Variants in ABCA7 observed in about 807,000 individuals in gnomAD.
ABCA7 encodes ATP binding cassette subfamily A member 7.
Under a neutral mutation model 227.6 loss-of-function variants are expected in ABCA7, and 261 were observed. That is an observed-to-expected ratio of 1.15 (90% CI 1.04 to 1.27). The LOEUF (loss-of-function observed/expected upper bound fraction) is 1.27, where lower values mean the gene tolerates loss of function less well. Among genes scored for constraint, ABCA7 ranks in the 50% most tolerant of loss-of-function variants. The pLI is 0.00. For synonymous variants in ABCA7, 1,488 were observed against 1,279.7 expected, an observed-to-expected ratio of 1.16 and a Z score of -3.47; for missense variants, 3,331 against 2,924.5, an observed-to-expected ratio of 1.14 and a Z score of -3.21.
At chr19:1,049,058 C>G (rs1165117035) in intron 17 of ABCA7, 53 bp downstream of exon 17, 2 of 1,053,352 alleles carry the variant, frequency 1.9e-6, no homozygotes, top group East Asian at 2.6e-5. Context: ...CCAGTTCCCC[C>G]CCAAAACGAG....
intron 1 of ABCA7, 85 bp from the exon 2 acceptor site, chr19:1,041,140 G>A: frequency 1.7e-6 from 1 of 599,478 alleles, no homozygotes; most frequent in Non-Finnish European, 3.0e-6. Context: ...GGACGGCTGC[G>A]GGTTGCGCTC....
At position 1,064,937 on chromosome 19, in the gene ABCA7, G is replaced by C; in HGVS notation, c.6051G>C (p.Ala2017=). Residue 2017 remains alanine, a synonymous_variant, in exon 46 of 47, where the codon GCG becomes GCC. Transcript: ENST00000263094. ...GSPQHLKGRF[A]AGHTLTLRVP... Reference sequence around the variant, plus strand: ...CTGGCCCCACTCACTGCAGATTCGCGGCGGGTCACACACTGACCCTGCGGG... The same window carrying C: ...CTGGCCCCACTCACTGCAGATTCGCCGCGGGTCACACACTGACCCTGCGGG... 1 of 1,549,550 alleles carries C rather than the reference G, an allele frequency of 6.5e-7. No homozygotes were observed. The highest frequency in any genetic ancestry group is 1.2e-5 in the South Asian group (1 of 84,256).
intron 45 of ABCA7, 120 bp downstream of exon 45, chr19:1,064,373 A>G: frequency 2.6e-6 from 3 of 1,152,920 alleles, no homozygotes; most frequent in Non-Finnish European, 3.6e-6. Context: ...AGAGATGGCC[A>G]AGGCTTTAGA....
intron 25 of ABCA7, 45 bp from the exon 26 acceptor site, chr19:1,053,961 A>G (rs758905082): frequency 1.9e-6 from 3 of 1,609,746 alleles, no homozygotes; most frequent in East Asian, 2.2e-5. Context: ...TGATCCCCCA[A>G]TCCGTGACCC....
In ABCA7 at chr19:1,042,033, A is replaced by G. The variant is rs372717654; in HGVS notation, c.303-31A>G. 115 of 1,583,224 alleles carry G rather than the reference A, an allele frequency of 7.3e-5. No homozygotes were observed. In the African/African-American group the frequency reaches 1.5e-3, roughly 20 times the overall value. On this transcript the variant is annotated intron_variant, in intron 4 of 46. Transcript: ENST00000263094. ...ACTCGGGGCTGCAGTGCCGGCCGGA[A>G]CCCCGCCTCCTGCCCTCTCTCTGTC...
In ABCA7 at chr19:1,051,150, C is replaced by T. The variant is rs368907015; in HGVS notation, c.2685-5C>T. Reference sequence around the variant, plus strand: ...GGGTCACTCTGCTCTGTGCACTGGCCGCAGGCTGACCGTGGACGAGCACGT... The same window carrying T: ...GGGTCACTCTGCTCTGTGCACTGGCTGCAGGCTGACCGTGGACGAGCACGT... On this transcript the variant is annotated splice_polypyrimidine_tract_variant and splice_region_variant and intron_variant, in intron 19 of 46. Transcript: ENST00000263094. The T allele has an allele frequency of 6.3e-5, 102 of 1,611,296 alleles. No individual in the cohort carries two copies. Among genetic ancestry groups the T allele is most frequent in the South Asian group, 2.5e-4 (23 of 91,078 alleles).
chr19:1,042,041 T>C (rs2040093035), intron 4 of ABCA7, 23 bp from the exon 5 acceptor site: 2 of 1,586,740 alleles, frequency 1.3e-6, no homozygotes, highest in Non-Finnish European at 1.7e-6. Flanking sequence ...GAACCCCGCC[T>C]CCTGCCCTCT....
At chr19:1,046,009 A>T (rs2040609584) in intron 12 of ABCA7, among the ~76,000 whole-genome samples, 2 of 152,200 alleles carry the variant, frequency 1.3e-5, no homozygotes, top group East Asian at 1.9e-4. Context: ...TCCGTCTCAA[A>T]CAAATGAATA....
Position 1,045,207 on chromosome 19 carries a change from CG to C in ABCA7, c.1422del (p.Arg475GlyfsTer19). 1 of 1,598,524 alleles carries C rather than the reference CG, an allele frequency of 6.3e-7. No individual in the cohort carries two copies. The highest frequency in any genetic ancestry group is 8.5e-7 in the Non-Finnish European group (1 of 1,170,012). On this transcript the variant is annotated frameshift_variant, in exon 12 of 47. Transcript: ENST00000263094. LOFTEE classifies it high-confidence loss of function. The stretch of plus-strand genomic sequence containing the variant: ...ATCCGCATGGACATTGACGTGGTCA[CG>C]AGGACCAATAAGATCAGGGACAGGT... ...IKIRMDIDVV[T>X]RTNKIRDRFW...
intron 16 of ABCA7, 97 bp downstream of exon 16, chr19:1,047,751 T>G (rs1392155879): frequency 5.9e-5 from 63 of 1,068,466 alleles, no homozygotes; most frequent in East Asian, 1.7e-4. Context: ...GGGTGGGGGG[T>G]GGCTTATTCC....
At chr19:1,058,391 G>A in intron 37 of ABCA7, 122 bp downstream of exon 37, 2 of 1,476,022 alleles carry the variant, frequency 1.4e-6, no homozygotes, top group Non-Finnish European at 1.8e-6. Flanking sequence ...GTTCTTAGGT[G>A]GCCCTAAGGT....
intron 42 of ABCA7, 104 bp downstream of exon 42, chr19:1,062,417 A>G (rs2042721527): frequency 1.3e-6 from 2 of 1,515,052 alleles, no homozygotes; most frequent in Non-Finnish European, 8.9e-7. Flanking sequence ...CCTTGGCTCC[A>G]TCCCTGTCCC....
intron 45 of ABCA7, 98 bp from the exon 46 acceptor site, chr19:1,064,833 G>C (rs972274102): frequency 6.9e-7 from 1 of 1,441,950 alleles, no homozygotes; most frequent in Non-Finnish European, 9.1e-7. Flanking sequence ...GGTAGTACAA[G>C]TATGGGGCGG....
At chr19:1,064,368 T>C in intron 45 of ABCA7, 115 bp downstream of exon 45, 1 of 1,179,982 alleles carries the variant, frequency 8.5e-7, no homozygotes. Flanking sequence ...ACTGGAGAGA[T>C]GGCCAAGGCT....
Position 1,054,179 on chromosome 19 carries a change from C to T in ABCA7, c.3578-14C>T. ...CCACAGCAGCGTGAGCACTGACCCT[C>T]TCATCCCTCACAGCTGGGTCAGCCC... On this transcript the variant is annotated splice_polypyrimidine_tract_variant and intron_variant, in intron 26 of 46. Transcript: ENST00000263094. This position sits in a 1 kb window ranked among gnomAD's most constrained non-coding sequence, Gnocchi z 4.8. 6.2e-7 allele frequency: 1 copy of T among 1,610,726 alleles called. No homozygotes were observed. Among genetic ancestry groups the T allele is most frequent in the Non-Finnish European group, 8.5e-7 (1 of 1,178,566 alleles).
chr19:1,042,786 T>C lies in ABCA7; in HGVS notation c.539T>C (p.Leu180Ser). The C allele has an allele frequency of 6.2e-7, 1 of 1,613,098 alleles. No homozygotes were observed. The highest frequency in any genetic ancestry group is 8.5e-7 in the Non-Finnish European group (1 of 1,179,864). Residue 180 changes from leucine (L) to serine (S), a missense_variant, in exon 7 of 47, where the codon TTG (leucine) becomes TCG (serine). By Grantham distance (145) the Leu-to-Ser change is moderately radical (BLOSUM62 -2). Transcript: ENST00000263094. ...GCACTGGGCCAAGCCCAGGAGCCCT[T>C]GCACAGCTTGTTGGAGGCCGCTGAG... The part of the protein sequence containing the change: ...GLALGQAQEP[L>S]HSLLEAAEDL...
chr19:1,056,002 C>T lies in ABCA7; in HGVS notation c.4238+63C>T, dbSNP rs1299750100. On this transcript the variant is annotated intron_variant, in intron 31 of 46. Coordinates refer to ENST00000263094, the MANE Select transcript of ABCA7 (RefSeq NM_019112.4). The surrounding 1 kb of genome is among the most constrained non-coding windows in gnomAD (Gnocchi z 4.3). ...TCCACTCCCATGCCCTCTGCCTGCC[C>T]CCTGGGAGCTCTCCCGGCCCCCCCG... 2.6e-6 allele frequency: 4 copies of T among 1,545,948 alleles called. No individual in the cohort carries two copies. The African/African-American group carries it at 4.7e-5, about 18-fold the overall frequency.
Position 1,056,184 on chromosome 19 carries a change from C to T in ABCA7, c.4357C>T (p.Arg1453Cys), listed in dbSNP as rs144562001. ...TCCCCTGCCTGGCGGGGCCCTCGAC[C>T]GTGTCCTGAAAAACCTCACAGCCTG... ...LSPLPGGALDRVLKNLTAWAH... is the reference protein window; with the variant it reads ...LSPLPGGALDCVLKNLTAWAH... Residue 1453 changes from arginine (R) to cysteine (C), a missense_variant, in exon 32 of 47, where the codon CGT becomes TGT. Physicochemically the swap from Arg to Cys is radical, Grantham distance 180. Coordinates refer to ENST00000263094, the MANE Select transcript of ABCA7 (RefSeq NM_019112.4). This position sits in a 1 kb window ranked among gnomAD's most constrained non-coding sequence, Gnocchi z 4.3. The T allele has an allele frequency of 3.9e-4, 625 of 1,607,178 alleles. 1 individual carries two copies. Among genetic ancestry groups the T allele is most frequent in the African/African-American group, 9.1e-4 (68 of 75,024 alleles).
intron 45 of ABCA7, 152 bp from the exon 46 acceptor site, chr19:1,064,779 G>C: frequency 7.9e-7 from 1 of 1,272,446 alleles, no homozygotes; most frequent in Non-Finnish European, 1.0e-6. Context: ...TACGCGGGCG[G>C]GGGGTGGCGG....
Sources: allele counts gnomAD v4.1 joint callset (sites outside exome capture counted in the v4.1 genomes callset), GRCh38; gene constraint gnomAD v4.1.1; non-coding constraint Gnocchi (gnomAD v3.1); transcripts MANE v1.5; gene names NCBI Gene and HGNC (gene_info 2026-07-23, HGNC 2026-07-21).